The following PPP2R5E variants were observed in gnomAD, a reference collection of about 807,000 sequenced individuals.
PPP2R5E encodes the protein serine/threonine-protein phosphatase 2A 56 kDa regulatory subunit epsilon isoform.
In PPP2R5E, 4 loss-of-function variants were observed where a neutral mutation model predicts 65.3. The observed-to-expected ratio is 0.06, with a 90% CI of 0.03 to 0.14. The LOEUF is 0.14. Among genes scored for constraint, PPP2R5E ranks in the 10% least tolerant of loss-of-function variants. The pLI is 1.00. For synonymous variants in PPP2R5E, 183 were observed against 187.4 expected (o/e 0.98, Z 0.19); for missense variants, 274 against 556.1 (o/e 0.49, Z 5.10).
intron 5 of PPP2R5E, among the ~76,000 whole-genome samples, chr14:63,411,467 T>A (rs1456223076): frequency 6.6e-6 from 1 of 151,876 alleles, no homozygotes; most frequent in Non-Finnish European, 1.5e-5. Flanking sequence ...ATATATTGCA[T>A]TGATATAGTT....
At chr14:63,485,417 T>G (rs1890935585) in intron 2 of PPP2R5E, among the ~76,000 whole-genome samples, 1 of 152,070 alleles carries the variant, frequency 6.6e-6, no homozygotes, top group African/African-American at 2.4e-5. Context: ...TGTTCGTTTT[T>G]TGGGGGGTTT....
intron 1 of PPP2R5E, among the ~76,000 whole-genome samples, chr14:63,541,388 C>T (rs973165890): frequency 1.3e-5 from 2 of 152,192 alleles, no homozygotes; most frequent in Admixed American, 1.3e-4. Context: ...TCATCAAATA[C>T]CAATTTTCAT....
At chr14:63,445,841 C>CAA (rs35724892) in intron 3 of PPP2R5E, among the ~76,000 whole-genome samples, 4,344 of 114,876 alleles carry the variant, frequency 0.038, 208 homozygotes, top group African/African-American at 0.12. Context: ...GACTCCGTCT[C>CAA]AAAAAAAAAA....
At chr14:63,531,496 AT>A (rs1392349113) in intron 2 of PPP2R5E, among the ~76,000 whole-genome samples, 1 of 152,168 alleles carries the variant, frequency 6.6e-6, no homozygotes, top group South Asian at 2.1e-4. Flanking sequence ...AAAAAAAAAA[AT>A]AACATAGTTT....
rs182893668 is a variant in PPP2R5E at position 63,445,803 on chromosome 14, T to C, written c.354+7886A>G. Among the ~76,000 whole-genome samples the C allele has an allele frequency of 1.3e-4, 19 of 151,656 alleles. No individual in the cohort carries two copies. In the East Asian group the frequency reaches 3.3e-3, roughly 26 times the overall value. On this transcript the variant is annotated intron_variant, in intron 3 of 13. Transcript: ENST00000337537. Reference sequence around the variant, plus strand: ...GTTGCAGTGAGCGGAGATTGTGCCATTGCACTCCAGCCTGGGCAATAGAGT... The same window carrying C: ...GTTGCAGTGAGCGGAGATTGTGCCACTGCACTCCAGCCTGGGCAATAGAGT...
At chr14:63,484,386 C>A (rs989250035) in intron 2 of PPP2R5E, among the ~76,000 whole-genome samples, 2 of 149,660 alleles carry the variant, frequency 1.3e-5, no homozygotes, top group East Asian at 2.0e-4. Flanking sequence ...CACACACACA[C>A]AAAGAATCGT....
chr14:63,523,126 A>C, intron 2 of PPP2R5E, among the ~76,000 whole-genome samples: 1 of 145,934 alleles, frequency 6.9e-6, no homozygotes, highest in Non-Finnish European at 1.5e-5. Flanking sequence ...CCCTTCCGGG[A>C]AGTGGGGGGC....
intron 2 of PPP2R5E, among the ~76,000 whole-genome samples, chr14:63,476,301 C>T (rs1890409873): frequency 6.6e-6 from 1 of 151,972 alleles, no homozygotes. Flanking sequence ...AACACTGGAT[C>T]AAAATGAGTT....
chr14:63,403,435 A>C (rs1338555790), intron 5 of PPP2R5E, among the ~76,000 whole-genome samples: 1 of 151,720 alleles, frequency 6.6e-6, no homozygotes, highest in African/African-American at 2.4e-5. Flanking sequence ...AGACGTTTTC[A>C]GACAAGTGAT....
intron 2 of PPP2R5E, among the ~76,000 whole-genome samples, chr14:63,520,823 G>A (rs1338167876): frequency 1.4e-5 from 2 of 139,744 alleles, no homozygotes; most frequent in Admixed American, 1.5e-4. Flanking sequence ...AGACCATCCT[G>A]GCTAACATGG....
chr14:63,395,612 T>G (rs1039110439), intron 6 of PPP2R5E, among the ~76,000 whole-genome samples: 1 of 1,160 alleles, frequency 8.6e-4, no homozygotes, highest in Non-Finnish European at 1.3e-3. Flanking sequence ...AGAGAGGAGA[T>G]GGGGGAGAGA....
At chr14:63,476,993 T>C (rs918302643) in intron 2 of PPP2R5E, among the ~76,000 whole-genome samples, 2 of 152,072 alleles carry the variant, frequency 1.3e-5, no homozygotes, top group Admixed American at 1.3e-4. Flanking sequence ...ATCCAATACA[T>C]CTCCATTTCT....
In PPP2R5E at chr14:63,524,283, T is replaced by A. The variant is rs75087084; in HGVS notation, c.157+15246A>T. 6.9e-3 allele frequency among the ~76,000 whole-genome samples: 1,048 copies of A among 152,280 alleles called. 64 individuals carry two copies. The East Asian group carries it at 0.15, about 21-fold the overall frequency. On this transcript the variant is annotated intron_variant, in intron 2 of 13. Coordinates refer to ENST00000337537, the MANE Select transcript of PPP2R5E (RefSeq NM_006246.5). ...TGCCAGATTGCTTCTCTCACAACAC[T>A]GCATATTCTGAAACAAGATCCAGGT...
rs1226325252 is a variant in PPP2R5E at position 63,372,389 on chromosome 14, G to A, written c.*3620C>T. ...CTTAACTCCACTCAGAGAAGCAGCT[G>A]AGCCAGAATACAAAAATAAAAATAT... On this transcript the variant is annotated 3_prime_UTR_variant, in exon 14 of 14. Coordinates refer to ENST00000337537, the MANE Select transcript of PPP2R5E (RefSeq NM_006246.5). 1 of 152,100 alleles carries A rather than the reference G, an allele frequency of 6.6e-6. No individual in the cohort carries two copies. The highest frequency in any genetic ancestry group is 1.5e-5 in the Non-Finnish European group (1 of 68,006). The allele number at this position is 152,100 out of a possible 1,614,324, so 9.4% of individuals were successfully genotyped here. A position where few individuals can be genotyped will look rare whatever the true frequency, so the allele number is the denominator to read the frequency against.
At chr14:63,399,787 T>C (rs182757884) in intron 5 of PPP2R5E, among the ~76,000 whole-genome samples, 1 of 152,298 alleles carries the variant, frequency 6.6e-6, no homozygotes, top group Non-Finnish European at 1.5e-5. Flanking sequence ...TCAGTTCTAG[T>C]GTCTTTACAG....
intron 3 of PPP2R5E, among the ~76,000 whole-genome samples, chr14:63,441,622 T>C (rs905304309): frequency 9.2e-5 from 14 of 152,120 alleles, no homozygotes; most frequent in Admixed American, 5.2e-4. Flanking sequence ...TAAAAATACA[T>C]AGAACACAGC....
At chr14:63,476,941 T>C (rs1890441972) in intron 2 of PPP2R5E, among the ~76,000 whole-genome samples, 1 of 152,102 alleles carries the variant, frequency 6.6e-6, no homozygotes, top group Non-Finnish European at 1.5e-5. Context: ...GTAGAGTCTG[T>C]TTTATGACTT....
chr14:63,485,338 A>C (rs895096133), intron 2 of PPP2R5E, among the ~76,000 whole-genome samples: 2 of 152,186 alleles, frequency 1.3e-5, no homozygotes, highest in African/African-American at 2.4e-5. Context: ...TCTTGGCCTT[A>C]AGCAATTTTC....
chr14:63,405,090 T>A lies in PPP2R5E; in HGVS notation c.550-8374A>T, dbSNP rs76882730. On this transcript the variant is annotated intron_variant, in intron 5 of 13. Transcript: ENST00000337537. Reference sequence around the variant, plus strand: ...ATACAACCAGGAAGCTGGCTCTGAATGCAGGAGTCAGAGCAATAAAGCCCT... The same window carrying A: ...ATACAACCAGGAAGCTGGCTCTGAAAGCAGGAGTCAGAGCAATAAAGCCCT... Among the ~76,000 whole-genome samples, 1,439 of 152,356 alleles carry A rather than the reference T, an allele frequency of 9.4e-3. 54 individuals are homozygous for A. In the East Asian group the frequency reaches 0.13, roughly 13 times the overall value.
Sources: allele counts gnomAD v4.1 joint callset (sites outside exome capture counted in the v4.1 genomes callset), GRCh38; gene constraint gnomAD v4.1.1; transcripts MANE v1.5; gene names NCBI Gene and HGNC (gene_info 2026-07-23, HGNC 2026-07-21).